OTUD7B: variants seen among roughly 807,000 people sequenced by gnomAD.
OTUD7B encodes OTU domain-containing protein 7B.
In OTUD7B, 34 loss-of-function variants were observed where a neutral mutation model predicts 82.2. That is an observed-to-expected ratio of 0.41 (90% CI 0.31 to 0.55). OTUD7B has a LOEUF of 0.55. Among genes scored for constraint, OTUD7B ranks in the 20% least tolerant of loss-of-function variants. The probability of loss-of-function intolerance (pLI) is 0.20; values close to 1 mark genes in which losing one functional copy is unlikely to be tolerated. For missense variants in OTUD7B, 944 were observed against 1,062.1 expected, an observed-to-expected ratio of 0.89 and a Z score of 1.55; for synonymous variants, 398 against 402.7, an observed-to-expected ratio of 0.99 and a Z score of 0.14.
At chr1:149,975,503 C>T (rs1371417578) in intron 2 of OTUD7B, among the ~76,000 whole-genome samples, 9 of 152,036 alleles carry the variant, frequency 5.9e-5, no homozygotes, top group African/African-American at 2.2e-4. Context: ...ATCTCAAGTA[C>T]GTTGCACATA....
At chr1:150,017,515 G>A in the OTUD7B span, among the ~76,000 whole-genome samples, 1 of 152,164 alleles carries the variant, frequency 6.6e-6, no homozygotes, top group Non-Finnish European at 1.5e-5. Context: ...TGGAATGCAG[G>A]TCAGGTGGGT....
At chr1:149,965,347 C>T (rs587662933) in intron 5 of OTUD7B, among the ~76,000 whole-genome samples, 1 of 152,258 alleles carries the variant, frequency 6.6e-6, no homozygotes, top group South Asian at 2.1e-4. Flanking sequence ...GCCTGGGCAA[C>T]AGAGTGAGAC....
chr1:150,013,947 T>TACAC (rs1219362552), upstream of OTUD7B, among the ~76,000 whole-genome samples: 73 of 104,388 alleles, frequency 7.0e-4, 1 homozygote, highest in Middle Eastern at 5.2e-3. Context: ...AATATATATA[T>TACAC]ACACACACAC....
the OTUD7B span, among the ~76,000 whole-genome samples, chr1:150,046,129 G>T: frequency 6.6e-6 from 1 of 152,166 alleles, no homozygotes; most frequent in East Asian, 1.9e-4. Flanking sequence ...CCTACAGGAT[G>T]GCTTAGATAA....
chr1:149,978,993 C>T (rs1245987731), intron 1 of OTUD7B, among the ~76,000 whole-genome samples: 1 of 146,340 alleles, frequency 6.8e-6, no homozygotes, highest in Non-Finnish European at 1.5e-5. Flanking sequence ...ACCAGCAGGT[C>T]ACTAACTTGC....
chr1:149,974,568 TA>T (rs1559848272), intron 2 of OTUD7B, among the ~76,000 whole-genome samples: 1 of 119,536 alleles, frequency 8.4e-6, no homozygotes, highest in African/African-American at 3.3e-5. Context: ...TTTTTTTTTG[TA>T]GACAGAGTCT....
At chr1:150,022,613 A>G in the OTUD7B span, among the ~76,000 whole-genome samples, 2 of 152,026 alleles carry the variant, frequency 1.3e-5, no homozygotes, top group Non-Finnish European at 2.9e-5. Context: ...GGAAATGCAG[A>G]CAGGAGACTT....
intron 1 of OTUD7B, among the ~76,000 whole-genome samples, chr1:150,001,054 G>T (rs1414827050): frequency 6.6e-6 from 1 of 152,010 alleles, no homozygotes; most frequent in African/African-American, 2.4e-5. Context: ...ATGAAGGAAT[G>T]AACACATCAA....
the OTUD7B span, among the ~76,000 whole-genome samples, chr1:150,027,491 G>A: frequency 8.7e-4 from 133 of 152,224 alleles, no homozygotes; most frequent in Non-Finnish European, 1.6e-3. Context: ...AGAGGCTGAG[G>A]CAGGAGAATC....
intron 1 of OTUD7B, among the ~76,000 whole-genome samples, chr1:150,002,325 A>T (rs1652349279): frequency 6.6e-6 from 1 of 152,172 alleles, no homozygotes; most frequent in South Asian, 2.1e-4. Context: ...AAGGGAGCTT[A>T]GTGGCAGAGA....
In OTUD7B at chr1:149,977,551, A is replaced by C; in HGVS notation, c.-41T>G. ...TTTCAGCCAGCTGGATGTAGGTAGAACATAGATCAAAATTCAGGCCTCCAC... is the reference window on the plus strand; with the variant it reads ...TTTCAGCCAGCTGGATGTAGGTAGACCATAGATCAAAATTCAGGCCTCCAC... On this transcript the variant is annotated 5_prime_UTR_variant, in exon 2 of 12. Coordinates refer to ENST00000581312, the MANE Select transcript of OTUD7B (RefSeq NM_020205.4). The C allele has an allele frequency of 6.8e-7, 1 of 1,480,462 alleles. No homozygotes were observed. The allele number at this position is 1,480,462 out of a possible 1,614,324, so 91.7% of individuals were successfully genotyped here.
chr1:150,055,229 G>A, the OTUD7B span, among the ~76,000 whole-genome samples: 2 of 151,768 alleles, frequency 1.3e-5, no homozygotes, highest in Admixed American at 6.6e-5. Flanking sequence ...TAGTAGAGAC[G>A]GGGTTTCACC....
intron 1 of OTUD7B, among the ~76,000 whole-genome samples, chr1:149,999,243 A>C (rs1652116636): frequency 6.6e-6 from 1 of 152,258 alleles, no homozygotes; most frequent in Non-Finnish European, 1.5e-5. Context: ...GAAGGAACTT[A>C]AAGTTGTTAA....
the OTUD7B span, among the ~76,000 whole-genome samples, chr1:150,036,311 A>G: frequency 1.4e-5 from 2 of 140,292 alleles, no homozygotes; most frequent in South Asian, 2.2e-4. Flanking sequence ...CCCAGGCTGG[A>G]GTGCAGTGGC....
the OTUD7B span, among the ~76,000 whole-genome samples, chr1:150,051,683 G>T: frequency 6.6e-6 from 1 of 152,162 alleles, no homozygotes; most frequent in African/African-American, 2.4e-5. Context: ...AGTTGCAAAG[G>T]TTAATTCAGA....
chr1:149,959,932 A>G (rs1235213987), intron 6 of OTUD7B, 136 bp from the exon 7 acceptor site: 2 of 632,170 alleles, frequency 3.2e-6, no homozygotes, highest in Non-Finnish European at 5.7e-6. Context: ...TACAAAGTCA[A>G]ATCTCTTATC....
chr1:149,961,176 G>A (rs984240020), intron 6 of OTUD7B: 3 of 152,058 alleles, frequency 2.0e-5, no homozygotes, highest in African/African-American at 7.2e-5. Flanking sequence ...CTGAGCTTTT[G>A]TCTAAGCTGT....
At chr1:150,021,014 T>C in the OTUD7B span, among the ~76,000 whole-genome samples, 8 of 152,266 alleles carry the variant, frequency 5.3e-5, no homozygotes, top group Non-Finnish European at 1.2e-4. Flanking sequence ...TTCTGTTGGC[T>C]AGACTTCTAA....
chr1:150,007,544 C>T (rs782154505), intron 1 of OTUD7B, among the ~76,000 whole-genome samples: 1 of 152,162 alleles, frequency 6.6e-6, no homozygotes, highest in Non-Finnish European at 1.5e-5. Flanking sequence ...TTATACACCA[C>T]CTTTCCCATC....
Sources: allele counts gnomAD v4.1 joint callset (sites outside exome capture counted in the v4.1 genomes callset), GRCh38; gene constraint gnomAD v4.1.1; transcripts MANE v1.5; gene names NCBI Gene and HGNC (gene_info 2026-07-23, HGNC 2026-07-21).